CDH4: variants seen among roughly 807,000 people sequenced by gnomAD.
The protein encoded by CDH4 is cadherin-4.
CDH4 carries 33 observed loss-of-function variants against 86.0 expected under a neutral mutation model. The observed-to-expected ratio is 0.38, with a 90% confidence interval of 0.29 to 0.51. The LOEUF is 0.51. CDH4 is among the 20% of genes least tolerant of loss of function. CDH4 has a pLI of 0.86. For synonymous variants in CDH4, 555 were observed against 549.4 expected (o/e 1.01, Z -0.14); for missense variants, 1,114 against 1,307.4 (o/e 0.85, Z 2.28).
At chr20:61,687,679 G>A (rs1043507181) in intron 2 of CDH4, among the ~76,000 whole-genome samples, 3 of 152,180 alleles carry the variant, frequency 2.0e-5, no homozygotes, top group South Asian at 4.1e-4. Context: ...TAAATGATTC[G>A]GAAATTCCTT....
chr20:61,760,865 A>C (rs1315782881), intron 3 of CDH4, among the ~76,000 whole-genome samples: 1 of 152,204 alleles, frequency 6.6e-6, no homozygotes, highest in African/African-American at 2.4e-5. Context: ...AAAATCCACT[A>C]AGTGCCTTTT....
chr20:61,913,465 G>A (rs982466306), intron 9 of CDH4, among the ~76,000 whole-genome samples: 16 of 152,366 alleles, frequency 1.1e-4, no homozygotes, highest in Middle Eastern at 3.4e-3. Context: ...CATGGGCCTC[G>A]TGGCACTGGG....
chr20:61,781,311 C>G (rs556385113), intron 4 of CDH4, among the ~76,000 whole-genome samples: 1 of 151,754 alleles, frequency 6.6e-6, no homozygotes, highest in East Asian at 1.9e-4. Flanking sequence ...ACCCAGGAAC[C>G]CTGAGATCAC....
At chr20:61,543,539 G>A (rs1230442542) in intron 2 of CDH4, among the ~76,000 whole-genome samples, 1 of 152,162 alleles carries the variant, frequency 6.6e-6, no homozygotes, top group Non-Finnish European at 1.5e-5. Context: ...TGTTACTTAT[G>A]ACATTGCCAA....
chr20:61,546,574 A>T (rs879752003), intron 2 of CDH4, among the ~76,000 whole-genome samples: 1 of 151,546 alleles, frequency 6.6e-6, no homozygotes, highest in Non-Finnish European at 1.5e-5. Context: ...GTGCCCAGAA[A>T]TCAGGGCAGG....
intron 2 of CDH4, among the ~76,000 whole-genome samples, chr20:61,400,914 C>T (rs1037100737): frequency 1.3e-5 from 2 of 152,228 alleles, no homozygotes; most frequent in African/African-American, 4.8e-5. Context: ...GTTGACGTCC[C>T]TTTGCCACTG....
Position 61,501,306 on chromosome 20 carries a change from G to A in CDH4, c.170-242257G>A, listed in dbSNP as rs1283722082. Among the ~76,000 whole-genome samples the A allele has an allele frequency of 1.3e-5, 2 of 152,178 alleles. No individual in the cohort carries two copies. The highest frequency in any genetic ancestry group is 1.9e-4 in the East Asian group (1 of 5,190). ...GCGATAATACAGCTAATACATTATTGCCTCTGGCTTCCGTGCAGAACAGCG... is the reference window on the plus strand; with the variant it reads ...GCGATAATACAGCTAATACATTATTACCTCTGGCTTCCGTGCAGAACAGCG... On this transcript the variant is annotated intron_variant, in intron 2 of 15. Coordinates refer to ENST00000614565, the MANE Select transcript of CDH4 (RefSeq NM_001794.5). The surrounding 1 kb of genome is among the most constrained non-coding windows in gnomAD (Gnocchi z 4.2).
chr20:61,355,114 A>G lies in CDH4; in HGVS notation c.169+100177A>G, dbSNP rs141080145. Among the ~76,000 whole-genome samples the G allele has an allele frequency of 9.6e-3, 1,464 of 152,338 alleles. 25 individuals are homozygous for G. The highest frequency in any genetic ancestry group is 0.031 in the African/African-American group (1,307 of 41,574). On this transcript the variant is annotated intron_variant, in intron 2 of 15. Coordinates refer to ENST00000614565, the MANE Select transcript of CDH4 (RefSeq NM_001794.5). ...TCAAATGTGGCTGCAGTCATTGAGT[A>G]GGGAGAAAAACGCACCGTTAAGTCC...
At chr20:61,801,447 C>T (rs181512488) in intron 4 of CDH4, among the ~76,000 whole-genome samples, 57 of 152,310 alleles carry the variant, frequency 3.7e-4, no homozygotes, top group Middle Eastern at 3.4e-3. Flanking sequence ...TCTGAAGTGC[C>T]GAAGTAGGTG....
chr20:61,672,363 G>A (rs184091718), intron 2 of CDH4, among the ~76,000 whole-genome samples: 2 of 152,252 alleles, frequency 1.3e-5, no homozygotes, highest in Non-Finnish European at 2.9e-5. Context: ...GTAGGATTGT[G>A]TGCCAGGTGC....
In CDH4 at chr20:61,606,634, C is replaced by T. The variant is rs942029572; in HGVS notation, c.170-136929C>T. Among the ~76,000 whole-genome samples the T allele has an allele frequency of 2.0e-5, 3 of 152,334 alleles. No homozygotes were observed. In the South Asian group the frequency reaches 6.2e-4, roughly 32 times the overall value. On this transcript the variant is annotated intron_variant, in intron 2 of 15. Coordinates refer to ENST00000614565, the MANE Select transcript of CDH4 (RefSeq NM_001794.5). Reference sequence around the variant, plus strand: ...CAGATTTGCTGCCTCCTGGTGTGGCCTCAGTGGCCTGTCCTGGGAAGTGCA... The same window carrying T: ...CAGATTTGCTGCCTCCTGGTGTGGCTTCAGTGGCCTGTCCTGGGAAGTGCA...
intron 3 of CDH4, among the ~76,000 whole-genome samples, chr20:61,761,329 A>G (rs1311745059): frequency 6.6e-6 from 1 of 152,216 alleles, no homozygotes; most frequent in Non-Finnish European, 1.5e-5. Flanking sequence ...AGAGCCATAA[A>G]TAGAATTGAT....
At chr20:61,380,261 T>G (rs73134350) in intron 2 of CDH4, among the ~76,000 whole-genome samples, 26,850 of 152,160 alleles carry the variant, frequency 0.18, 3,086 homozygotes, top group East Asian at 0.41. Flanking sequence ...AAAATCCATC[T>G]TACTATACAC....
At chr20:61,749,273 C>T (rs1179371481) in intron 3 of CDH4, among the ~76,000 whole-genome samples, 1 of 152,076 alleles carries the variant, frequency 6.6e-6, no homozygotes, top group Non-Finnish European at 1.5e-5. Flanking sequence ...AATCAGTGGT[C>T]AATTTTAACA....
At chr20:61,861,708 G>A (rs950905409) in intron 6 of CDH4, among the ~76,000 whole-genome samples, 3 of 152,162 alleles carry the variant, frequency 2.0e-5, no homozygotes, top group East Asian at 1.9e-4. Flanking sequence ...TTCTCACCAC[G>A]TTGTCACGAG....
chr20:61,500,761 T>C (rs1277137083), intron 2 of CDH4, among the ~76,000 whole-genome samples: 1 of 152,262 alleles, frequency 6.6e-6, no homozygotes. Flanking sequence ...TTATAAATCC[T>C]GTTTCCTTCA....
intron 2 of CDH4, among the ~76,000 whole-genome samples, chr20:61,308,216 T>G (rs1477643036): frequency 1.3e-5 from 2 of 152,216 alleles, no homozygotes; most frequent in Admixed American, 6.5e-5. Context: ...TAGCATACAT[T>G]GACACATTTG....
At chr20:61,814,237 C>CT (rs758985207) in intron 4 of CDH4, among the ~76,000 whole-genome samples, 1 of 152,226 alleles carries the variant, frequency 6.6e-6, no homozygotes, top group Non-Finnish European at 1.5e-5. Context: ...CAGGGACTCT[C>CT]TTAGGAACCT....
intron 2 of CDH4, among the ~76,000 whole-genome samples, chr20:61,301,607 C>T (rs1014630194): frequency 8.5e-5 from 13 of 152,110 alleles, no homozygotes; most frequent in Admixed American, 5.2e-4. Flanking sequence ...ATAAAGGCCC[C>T]GACTTTTCTT....
Sources: allele counts gnomAD v4.1 joint callset (sites outside exome capture counted in the v4.1 genomes callset), GRCh38; gene constraint gnomAD v4.1.1; non-coding constraint Gnocchi (gnomAD v3.1); transcripts MANE v1.5; gene names NCBI Gene and HGNC (gene_info 2026-07-23, HGNC 2026-07-21).